TMEM126A: variants seen among roughly 807,000 people sequenced by gnomAD.
The protein encoded by TMEM126A is transmembrane protein 126A.
TMEM126A carries 10 observed loss-of-function variants against 18.3 expected under a neutral mutation model. The observed-to-expected ratio is 0.55, with a 90% confidence interval of 0.34 to 0.93. The LOEUF (loss-of-function observed/expected upper bound fraction) is 0.93. Among genes scored for constraint, TMEM126A ranks in the 40% least tolerant of loss-of-function variants. TMEM126A has a pLI of 0.02. For missense variants in TMEM126A, 246 were observed against 230.2 expected, an observed-to-expected ratio of 1.07 and a Z score of -0.44; for synonymous variants, 68 against 78.1, an observed-to-expected ratio of 0.87 and a Z score of 0.68.
intron 2 of TMEM126A, among the ~76,000 whole-genome samples, chr11:85,650,865 T>C (rs1485322594): frequency 6.6e-6 from 1 of 151,226 alleles, no homozygotes; most frequent in Non-Finnish European, 1.5e-5. Context: ...AGGTCAGGAG[T>C]TCAGACCAGC....
intron 2 of TMEM126A, among the ~76,000 whole-genome samples, chr11:85,653,320 G>C (rs1000842451): frequency 6.6e-6 from 1 of 152,190 alleles, no homozygotes; most frequent in Admixed American, 6.5e-5. Flanking sequence ...GTAAGCCATA[G>C]AAGTTAGAGG....
At chr11:85,654,337 A>T in intron 3 of TMEM126A, 81 bp downstream of exon 3, 1 of 1,334,518 alleles carries the variant, frequency 7.5e-7, no homozygotes, top group South Asian at 1.2e-5. Flanking sequence ...ATTAATATCA[A>T]GTAGCTGTAT....
intron 1 of TMEM126A, among the ~76,000 whole-genome samples, 177 bp downstream of exon 1, chr11:85,648,266 A>G (rs2082475514): frequency 6.6e-6 from 1 of 152,224 alleles, no homozygotes; most frequent in Non-Finnish European, 1.5e-5. Context: ...TTATATTTAA[A>G]TTAACTCAGT....
Position 85,654,130 on chromosome 11 carries a change from A to G in TMEM126A, c.154A>G (p.Ser52Gly), listed in dbSNP as rs140047528. ...TGCTCTTTGTGGCCTCATAGCAAAC[A>G]GTCTTTTTCGACGCATCTTGAATGT... ...NAALCGLIAN[S>G]LFRRILNVTK... Residue 52 changes from serine (S) to glycine (G), a missense_variant, in exon 3 of 5, where the codon AGT becomes GGT. Coordinates refer to ENST00000304511, the MANE Select transcript of TMEM126A (RefSeq NM_032273.4). 4,894 of 1,614,188 alleles carry G rather than the reference A, an allele frequency of 3.0e-3. 18 individuals carry two copies. The highest frequency in any genetic ancestry group is 3.0e-3 in the Non-Finnish European group (3,571 of 1,180,030).
chr11:85,655,576 G>C lies in TMEM126A; in HGVS notation c.281-18G>C, dbSNP rs1177259860. ...TGACTATCATGACCTTCATTTCTAT[G>C]ACTAATTTATTTCCTAGGTGATTTG... On this transcript the variant is annotated intron_variant, in intron 3 of 4. Transcript: ENST00000304511. 6.4e-7 allele frequency: 1 copy of C among 1,567,232 alleles called. No homozygotes were observed.
intron 1 of TMEM126A, among the ~76,000 whole-genome samples, chr11:85,649,242 T>A (rs2082482618): frequency 6.6e-6 from 1 of 152,124 alleles, no homozygotes; most frequent in African/African-American, 2.4e-5. Context: ...GCCTTTGTTT[T>A]TCTTAACTGT....
chr11:85,652,716 A>G (rs549478288), intron 2 of TMEM126A, among the ~76,000 whole-genome samples: 13 of 152,012 alleles, frequency 8.6e-5, no homozygotes, highest in African/African-American at 2.9e-4. Flanking sequence ...AAAGTTTGCT[A>G]TGCAGATTTC....
intron 1 of TMEM126A, among the ~76,000 whole-genome samples, chr11:85,649,375 T>A (rs574986992): frequency 2.0e-5 from 3 of 152,360 alleles, no homozygotes; most frequent in South Asian, 4.1e-4. Flanking sequence ...CTTGCCTTGG[T>A]ACAGCCACCC....
In TMEM126A at chr11:85,655,599, T is replaced by C. The variant is rs779706678; in HGVS notation, c.286T>C (p.Leu96=). ...ATGACTAATTTATTTCCTAGGTGAT[T>C]TGGATTGTGAAACCTGTACCATAAC... The part of the protein sequence containing the change: ...FVSFPLNTGD[L]DCETCTITRS... The change falls in exon 4 of 5, where the codon TTG becomes CTG. Residue 96 remains leucine (L), a synonymous_variant. Coordinates refer to ENST00000304511, the MANE Select transcript of TMEM126A (RefSeq NM_032273.4). 1.4e-5 allele frequency: 22 copies of C among 1,611,644 alleles called. No individual in the cohort carries two copies. In the South Asian group the frequency reaches 2.0e-4, roughly 14 times the overall value.
chr11:85,650,295 ATTG>A lies in TMEM126A; in HGVS notation c.44_46del (p.Val15del), dbSNP rs1180405503. ...ATCCAATAATAAGGAAAACATAACAATTGTTGATATATCCAGAAAAATTAACCA... is the reference window on the plus strand; with the variant it reads ...ATCCAATAATAAGGAAAACATAACAATTGATATATCCAGAAAAATTAACCA... On this transcript the variant is annotated inframe_deletion, in exon 2 of 5. Transcript: ENST00000304511. 1 of 1,609,038 alleles carries A rather than the reference ATTG, an allele frequency of 6.2e-7. No individual in the cohort carries two copies. Among genetic ancestry groups the A allele is most frequent in the Admixed American group, 1.7e-5 (1 of 59,944 alleles).
rs1387321051 is a variant in TMEM126A at position 85,654,215 on chromosome 11, A to C, written c.239A>C (p.Asp80Ala). ...GCAGGGATACCTTTTCTTACAACAG[A>C]CTTAACTTACAGATGTTTTGTAAGT... ...PMAGIPFLTT[D>A]LTYRCFVSFP... Residue 80 changes from aspartate to alanine, a missense_variant, in exon 3 of 5, where the codon GAC becomes GCC. Coordinates refer to ENST00000304511, the MANE Select transcript of TMEM126A (RefSeq NM_032273.4). The C allele has an allele frequency of 5.1e-5, 82 of 1,614,236 alleles. No individual in the cohort carries two copies. Among genetic ancestry groups the C allele is most frequent in the Non-Finnish European group, 6.8e-5 (80 of 1,180,038 alleles).
intron 2 of TMEM126A, 48 bp from the exon 3 acceptor site, chr11:85,654,013 TCA>T: frequency 6.3e-7 from 1 of 1,597,452 alleles, no homozygotes; most frequent in Non-Finnish European, 8.6e-7. Flanking sequence ...TCGGGAAAGC[TCA>T]CACACACAAT....
chr11:85,649,342 T>C lies in TMEM126A; in HGVS notation c.-7-907T>C, dbSNP rs147328656. Among the ~76,000 whole-genome samples the C allele has an allele frequency of 1.5e-3, 233 of 152,360 alleles. 1 individual carries two copies. The highest frequency in any genetic ancestry group is 0.011 in the East Asian group (59 of 5,188). On this transcript the variant is annotated intron_variant, in intron 1 of 4. Coordinates refer to ENST00000304511, the MANE Select transcript of TMEM126A (RefSeq NM_032273.4). ...TGCAGACATCAACAAACTACTGGCA[T>C]GTAGGCCATATGCAGCCTATAGCTT... is the stretch of plus-strand genomic sequence containing the variant.
intron 2 of TMEM126A, among the ~76,000 whole-genome samples, chr11:85,651,959 T>C (rs977669552): frequency 4.0e-5 from 6 of 151,820 alleles, no homozygotes; most frequent in African/African-American, 1.5e-4. Flanking sequence ...AGGTCAGGAG[T>C]TTAAGACTAG....
intron 4 of TMEM126A, among the ~76,000 whole-genome samples, chr11:85,656,028 A>G (rs1248082106): frequency 6.6e-6 from 1 of 152,184 alleles, no homozygotes; most frequent in African/African-American, 2.4e-5. Flanking sequence ...ACTTGCACTA[A>G]AGGAAAATTC....
chr11:85,651,377 GGAT>G (rs906691544), intron 2 of TMEM126A, among the ~76,000 whole-genome samples: 1 of 152,166 alleles, frequency 6.6e-6, no homozygotes, highest in Non-Finnish European at 1.5e-5. Context: ...TTGAGCAGGG[GGAT>G]GATGTTAGCA....
intron 2 of TMEM126A, among the ~76,000 whole-genome samples, chr11:85,653,111 T>C (rs1335904649): frequency 6.6e-6 from 1 of 152,196 alleles, no homozygotes; most frequent in Non-Finnish European, 1.5e-5. Context: ...TTTACATCTC[T>C]TTCTTCTCCA....
chr11:85,654,598 C>T (rs1161303156), intron 3 of TMEM126A, among the ~76,000 whole-genome samples: 1 of 151,972 alleles, frequency 6.6e-6, no homozygotes, highest in African/African-American at 2.4e-5. Context: ...ATTACAGGTG[C>T]CCACCACCAT....
Position 85,648,480 on chromosome 11 carries a change from G to T in TMEM126A, c.-8+391G>T, listed in dbSNP as rs1591462363. Among the ~76,000 whole-genome samples, 4 of 152,342 alleles carry T rather than the reference G, an allele frequency of 2.6e-5. No individual in the cohort carries two copies. In the East Asian group the frequency reaches 7.7e-4, roughly 29 times the overall value. On this transcript the variant is annotated intron_variant, in intron 1 of 4. Transcript: ENST00000304511. ...TTCGAAATATTTGTAGTTTTTACAG[G>T]CGGCGTTGTCTTTGATAGATATTTG...
Sources: gnomAD v4.1 joint callset for allele counts (sites outside exome capture counted in the v4.1 genomes callset) on GRCh38, gnomAD v4.1.1 for gene constraint, MANE v1.5 for transcripts, NCBI Gene and HGNC (gene_info 2026-07-23, HGNC 2026-07-21) for gene names.